Variants in MAK16 observed in about 807,000 individuals in gnomAD.
MAK16 encodes the protein MAK16 homolog.
In MAK16, 12 loss-of-function variants were observed where a neutral mutation model predicts 49.9. The observed-to-expected ratio is 0.24, with a 90% CI of 0.15 to 0.39. The LOEUF (loss-of-function observed/expected upper bound fraction) is 0.39, where lower values mean the gene tolerates loss of function less well. Among genes scored for constraint, MAK16 ranks in the 10% least tolerant of loss-of-function variants. The probability of loss-of-function intolerance (pLI) is 1.00; values close to 1 mark genes in which losing one functional copy is unlikely to be tolerated. For missense variants in MAK16, 292 were observed against 363.7 expected, an observed-to-expected ratio of 0.80 and a Z score of 1.60; for synonymous variants, 115 against 126.4, an observed-to-expected ratio of 0.91 and a Z score of 0.60.
intron 6 of MAK16, among the ~76,000 whole-genome samples, chr8:33,493,701 TC>T (rs750487652): frequency 3.9e-5 from 6 of 152,224 alleles, no homozygotes; most frequent in African/African-American, 1.4e-4. Context: ...AAACAGGTGT[TC>T]CTACAAACCT....
chr8:33,496,775 G>A, intron 8 of MAK16, 34 bp downstream of exon 8: 1 of 1,434,422 alleles, frequency 7.0e-7, no homozygotes, highest in Non-Finnish European at 9.6e-7. Context: ...AAACCTACTA[G>A]ATACCATTTG....
chr8:33,486,350 C>T (rs116542591), intron 1 of MAK16, among the ~76,000 whole-genome samples: 2,287 of 152,046 alleles, frequency 0.015, 70 homozygotes, highest in African/African-American at 0.052. Context: ...GCCAGGAGTT[C>T]GATTCCAGCC....
chr8:33,497,429 ATTGT>A, intron 9 of MAK16, 132 bp downstream of exon 9: 2 of 640,306 alleles, frequency 3.1e-6, no homozygotes, highest in Admixed American at 2.6e-5. Context: ...AAATGGGAGG[ATTGT>A]TTGAGCTCAG....
chr8:33,490,460 C>T (rs769406143), intron 6 of MAK16, 121 bp downstream of exon 6: 123 of 644,058 alleles, frequency 1.9e-4, no homozygotes, highest in Non-Finnish European at 2.4e-4. Flanking sequence ...TAATAGATAA[C>T]TATTAGTTGC....
intron 1 of MAK16, among the ~76,000 whole-genome samples, chr8:33,486,562 A>G (rs11774461): frequency 6.6e-6 from 1 of 152,304 alleles, no homozygotes; most frequent in African/African-American, 2.4e-5. Flanking sequence ...AAGTAAATAA[A>G]TTTTTTTAAA....
At chr8:33,487,994 T>C (rs910776257) in intron 1 of MAK16, among the ~76,000 whole-genome samples, 1 of 152,104 alleles carries the variant, frequency 6.6e-6, no homozygotes, top group Non-Finnish European at 1.5e-5. Context: ...AATGGCACAA[T>C]CTCGGCTCAC....
Position 33,500,214 on chromosome 8 carries a change from C to G in MAK16, c.*1585C>G. On this transcript the variant is annotated 3_prime_UTR_variant, in exon 10 of 10. Transcript: ENST00000360128. ...AGGGCTCATATGGAGATCTAAAACC[C>G]TCCATGTTCATTTCCAGACTTGGTC... 1 of 1,253,690 alleles carries G rather than the reference C, an allele frequency of 8.0e-7. No individual in the cohort carries two copies. Among genetic ancestry groups the G allele is most frequent in the East Asian group, 2.4e-5 (1 of 41,162 alleles). The allele number at this position is 1,253,690 out of a possible 1,614,324, so 77.7% of individuals were successfully genotyped here.
intron 6 of MAK16, among the ~76,000 whole-genome samples, chr8:33,493,177 A>G (rs1304492883): frequency 6.6e-6 from 1 of 152,158 alleles, no homozygotes; most frequent in Non-Finnish European, 1.5e-5. Context: ...ATTTTGAGAC[A>G]AAGGTTCATT....
rs1210121932 is a variant in MAK16, at chr8:33,489,100, A to C, written c.353A>C (p.Gln118Pro). 6.2e-7 allele frequency: 1 copy of C among 1,613,962 alleles called. No homozygotes were observed. The highest frequency in any genetic ancestry group is 1.1e-5 in the South Asian group (1 of 91,070). The change falls in exon 5 of 10, where the codon CAA becomes CCA. Residue 118 changes from glutamine to proline, a missense_variant. Coordinates refer to ENST00000360128, the MANE Select transcript of MAK16 (RefSeq NM_032509.4). This position sits in a 1 kb window ranked among gnomAD's most constrained non-coding sequence, Gnocchi z 4.2. The stretch of plus-strand genomic sequence containing the variant: ...AAGCAGAGATTCACCAAGATCACCC[A>C]ATACCTAATTCGAATTAGAAAACTT... ...KCKQRFTKIT[Q>P]YLIRIRKLTL...
intron 6 of MAK16, 100 bp from the exon 7 acceptor site, chr8:33,495,442 C>T: frequency 2.1e-6 from 2 of 967,562 alleles, no homozygotes; most frequent in Non-Finnish European, 3.1e-6. Context: ...GAAATAATTA[C>T]ATTGTCTTTC....
rs886341967 is a variant in MAK16 at position 33,485,377 on chromosome 8, C to G, written c.15+156C>G. 6.1e-6 allele frequency: 6 copies of G among 985,020 alleles called. No individual in the cohort carries two copies. In the Admixed American group the frequency reaches 8.0e-5, roughly 13 times the overall value. 61.0% of individuals were successfully genotyped at this position (985,020 alleles called of 1,614,324 possible). On this transcript the variant is annotated intron_variant, in intron 1 of 9. Coordinates refer to ENST00000360128, the MANE Select transcript of MAK16 (RefSeq NM_032509.4). ...CCCGATTTTCCAACATAGGTTCTCA[C>G]GCGTGTCTAGCAGGGGTTTACTGCC...
chr8:33,495,452 C>T, intron 6 of MAK16, 90 bp from the exon 7 acceptor site: 1 of 1,097,994 alleles, frequency 9.1e-7, no homozygotes. Flanking sequence ...CATTGTCTTT[C>T]TTATAAACAA....
chr8:33,489,615 A>G lies in MAK16; in HGVS notation c.392+476A>G, dbSNP rs901273384. On this transcript the variant is annotated intron_variant, in intron 5 of 9. Coordinates refer to ENST00000360128, the MANE Select transcript of MAK16 (RefSeq NM_032509.4). This position sits in a 1 kb window ranked among gnomAD's most constrained non-coding sequence, Gnocchi z 4.2. ...GGCTGGTCTAGAATTCCTGACCTCA[A>G]GCGATCCGCCTTAGCCTCCCAAAGT... Among the ~76,000 whole-genome samples, 10 of 152,168 alleles carry G rather than the reference A, an allele frequency of 6.6e-5. No individual in the cohort carries two copies. Among genetic ancestry groups the G allele is most frequent in the African/African-American group, 2.2e-4 (9 of 41,450 alleles).
At chr8:33,485,989 C>T (rs2128823010) in intron 1 of MAK16, among the ~76,000 whole-genome samples, 1 of 152,228 alleles carries the variant, frequency 6.6e-6, no homozygotes, top group East Asian at 1.9e-4. Context: ...AAGCCAGTCA[C>T]TGAGGAGCTG....
At chr8:33,487,201 A>C (rs1308171246) in intron 1 of MAK16, among the ~76,000 whole-genome samples, 1 of 152,106 alleles carries the variant, frequency 6.6e-6, no homozygotes, top group Non-Finnish European at 1.5e-5. Flanking sequence ...TCCCCTAACT[A>C]GATAGACGAA....
At chr8:33,492,890 T>C (rs1808799924) in intron 6 of MAK16, among the ~76,000 whole-genome samples, 1 of 152,066 alleles carries the variant, frequency 6.6e-6, no homozygotes, top group Non-Finnish European at 1.5e-5. Flanking sequence ...TTTGCTGTTT[T>C]GTTTGGGATA....
intron 1 of MAK16, chr8:33,485,576 A>G (rs1472593259): frequency 7.8e-6 from 3 of 382,384 alleles, no homozygotes; most frequent in East Asian, 4.7e-5. Context: ...GCTGACTCCA[A>G]GTTTAAGCGT....
chr8:33,488,484 C>G (rs775957986), intron 2 of MAK16, 36 bp from the exon 3 acceptor site: 1 of 1,612,722 alleles, frequency 6.2e-7, no homozygotes, highest in South Asian at 1.1e-5. Flanking sequence ...TTTGGCAACC[C>G]ATTTTATAAT....
chr8:33,500,501 G>A lies in MAK16; in HGVS notation c.*1872G>A. The A allele has an allele frequency of 1.2e-6, 2 of 1,613,844 alleles. No individual in the cohort carries two copies. Among genetic ancestry groups the A allele is most frequent in the South Asian group, 2.2e-5 (2 of 91,064 alleles). The stretch of plus-strand genomic sequence containing the variant: ...AGTCTGCAGGAAACTCTGGAATCAG[G>A]AAGAAAAGCTATGTTCATACTCTAA... On this transcript the variant is annotated 3_prime_UTR_variant, in exon 10 of 10. Coordinates refer to ENST00000360128, the MANE Select transcript of MAK16 (RefSeq NM_032509.4).
Sources: gnomAD v4.1 joint callset for allele counts (sites outside exome capture counted in the v4.1 genomes callset) on GRCh38, gnomAD v4.1.1 for gene constraint, Gnocchi (gnomAD v3.1) non-coding constraint, MANE v1.5 for transcripts, NCBI Gene and HGNC (gene_info 2026-07-23, HGNC 2026-07-21) for gene names.